The following ROR1 variants were observed in gnomAD, a reference collection of about 807,000 sequenced individuals.
ROR1 encodes the protein inactive tyrosine-protein kinase transmembrane receptor ROR1.
ROR1 carries 19 observed loss-of-function variants against 78.8 expected under a neutral mutation model. That is an observed-to-expected ratio of 0.24 (90% CI 0.17 to 0.35). The LOEUF is 0.35. ROR1 is among the 10% of genes least tolerant of loss of function. ROR1 has a pLI of 1.00. For missense variants in ROR1, 917 were observed against 1,177.8 expected, an observed-to-expected ratio of 0.78 and a Z score of 3.24; for synonymous variants, 386 against 433.6, an observed-to-expected ratio of 0.89 and a Z score of 1.36.
intron 1 of ROR1, among the ~76,000 whole-genome samples, chr1:63,863,894 A>G (rs1275396883): frequency 6.6e-6 from 1 of 152,158 alleles, no homozygotes; most frequent in Admixed American, 6.5e-5. Context: ...AATACAGGAC[A>G]CAAAAATCAA....
At chr1:63,960,686 A>G (rs573305161) in intron 1 of ROR1, among the ~76,000 whole-genome samples, 1 of 152,314 alleles carries the variant, frequency 6.6e-6, no homozygotes, top group Non-Finnish European at 1.5e-5. Flanking sequence ...CCTGTGTTAT[A>G]GAGCCCCTCA....
At chr1:63,814,096 A>C (rs1256631208) in intron 1 of ROR1, among the ~76,000 whole-genome samples, 11 of 152,192 alleles carry the variant, frequency 7.2e-5, no homozygotes, top group Non-Finnish European at 8.8e-5. Context: ...AGCTTTTGGG[A>C]GTCAGGCAGC....
chr1:63,985,922 G>A (rs935708757), intron 1 of ROR1, among the ~76,000 whole-genome samples: 2 of 151,768 alleles, frequency 1.3e-5, no homozygotes, highest in African/African-American at 4.8e-5. Flanking sequence ...TTTGGATAAG[G>A]GATACTCAAC....
chr1:63,779,471 G>T (rs1292717227), intron 1 of ROR1, among the ~76,000 whole-genome samples: 1 of 152,014 alleles, frequency 6.6e-6, no homozygotes, highest in African/African-American at 2.4e-5. Context: ...GAGACTGTTC[G>T]GTAGAAACTG....
chr1:63,870,991 G>A (rs1189391585), intron 1 of ROR1, among the ~76,000 whole-genome samples: 1 of 152,134 alleles, frequency 6.6e-6, no homozygotes, highest in Non-Finnish European at 1.5e-5. Context: ...CTTTCCATGA[G>A]GAAGATAATT....
chr1:64,085,645 T>C (rs1647146423), intron 4 of ROR1, among the ~76,000 whole-genome samples: 2 of 152,086 alleles, frequency 1.3e-5, no homozygotes, highest in Admixed American at 1.3e-4. Context: ...CTAAAGATAA[T>C]ATAGTTTCCC....
At chr1:63,969,673 C>T (rs968869320) in intron 1 of ROR1, among the ~76,000 whole-genome samples, 3 of 152,180 alleles carry the variant, frequency 2.0e-5, no homozygotes, top group Non-Finnish European at 4.4e-5. Flanking sequence ...TTTTCCACCC[C>T]TCCATGTGTG....
Position 63,863,650 on chromosome 1 carries a change from A to G in ROR1, c.91+89142A>G, listed in dbSNP as rs116752075. ...AGGAAAGCTATTAATCTGATGGCGT[A>G]TTTTTCTTTATTTGTGATAAGTTTC... On this transcript the variant is annotated intron_variant, in intron 1 of 8. Transcript: ENST00000371079. Among the ~76,000 whole-genome samples, 784 of 152,154 alleles carry G rather than the reference A, an allele frequency of 5.2e-3. 4 individuals are homozygous for G. Among genetic ancestry groups the G allele is most frequent in the African/African-American group, 0.018 (759 of 41,484 alleles).
rs112506817 is a variant in ROR1 at position 64,048,578 on chromosome 1, C to A, written c.164-1113C>A. Among the ~76,000 whole-genome samples, 588 of 152,074 alleles carry A rather than the reference C, an allele frequency of 3.9e-3. 7 individuals are homozygous for A. The highest frequency in any genetic ancestry group is 0.013 in the African/African-American group (559 of 41,476). On this transcript the variant is annotated intron_variant, in intron 2 of 8. Coordinates refer to ENST00000371079, the MANE Select transcript of ROR1 (RefSeq NM_005012.4). ...AATGAAACCAAAGAAAGCTCCCTAC[C>A]CATGAATAACAGAGCACGTTTTTAA... is the stretch of plus-strand genomic sequence containing the variant.
intron 2 of ROR1, among the ~76,000 whole-genome samples, chr1:64,020,489 G>A (rs766938205): frequency 3.9e-5 from 6 of 152,156 alleles, no homozygotes; most frequent in Non-Finnish European, 7.3e-5. Context: ...CTTTAGACAA[G>A]GTTTTTCACA....
chr1:63,832,827 G>T (rs1372700881), intron 1 of ROR1, among the ~76,000 whole-genome samples: 2 of 152,214 alleles, frequency 1.3e-5, no homozygotes, highest in African/African-American at 4.8e-5. Flanking sequence ...AAAGTGAGAT[G>T]CATGGCAATA....
chr1:64,149,539 G>A (rs760919195), intron 7 of ROR1, among the ~76,000 whole-genome samples: 2 of 152,056 alleles, frequency 1.3e-5, no homozygotes, highest in Admixed American at 1.3e-4. Context: ...CCTCTTAGAT[G>A]CAGCCCTGAT....
intron 4 of ROR1, among the ~76,000 whole-genome samples, chr1:64,127,506 GTCTC>G (rs1177650740): frequency 2.1e-5 from 3 of 145,874 alleles, no homozygotes; most frequent in Admixed American, 1.4e-4. Flanking sequence ...CTCTCTCTCT[GTCTC>G]TCTCTCTCTC....
intron 1 of ROR1, among the ~76,000 whole-genome samples, chr1:63,962,068 T>C (rs1646033947): frequency 6.6e-6 from 1 of 152,174 alleles, no homozygotes; most frequent in Admixed American, 6.5e-5. Context: ...AAGACCAGCC[T>C]GGGCAACATG....
At chr1:64,045,064 A>G (rs1488886567) in intron 2 of ROR1, among the ~76,000 whole-genome samples, 1 of 152,244 alleles carries the variant, frequency 6.6e-6, no homozygotes, top group African/African-American at 2.4e-5. Flanking sequence ...TCAATCCATT[A>G]TAATTTAATA....
At chr1:63,838,364 C>T (rs937975380) in intron 1 of ROR1, among the ~76,000 whole-genome samples, 2 of 151,814 alleles carry the variant, frequency 1.3e-5, no homozygotes, top group African/African-American at 4.8e-5. Context: ...CAGCTCCATG[C>T]CTGTTATTGC....
chr1:63,875,654 T>C (rs1201065644), intron 1 of ROR1, among the ~76,000 whole-genome samples: 3 of 152,218 alleles, frequency 2.0e-5, no homozygotes, highest in Non-Finnish European at 4.4e-5. Flanking sequence ...AAAAATTAAA[T>C]ACTTCTATGT....
Position 63,869,704 on chromosome 1 carries a change from C to T in ROR1, c.91+95196C>T, listed in dbSNP as rs535679387. On this transcript the variant is annotated intron_variant, in intron 1 of 8. Coordinates refer to ENST00000371079, the MANE Select transcript of ROR1 (RefSeq NM_005012.4). ...ATCTTGCTGGTCTTTGTCTGAGTTG[C>T]AAAACAACACTCATGGAAGTCCTCA... Among the ~76,000 whole-genome samples the T allele has an allele frequency of 2.0e-5, 3 of 152,272 alleles. No homozygotes were observed. In the South Asian group the frequency reaches 6.2e-4, roughly 32 times the overall value.
chr1:64,015,301 C>A (rs1202595511), intron 2 of ROR1, among the ~76,000 whole-genome samples: 1 of 152,088 alleles, frequency 6.6e-6, no homozygotes, highest in Admixed American at 6.5e-5. Flanking sequence ...TATCAATTAC[C>A]TAAGGTGGTT....
Sources: allele counts gnomAD v4.1 joint callset (sites outside exome capture counted in the v4.1 genomes callset), GRCh38; gene constraint gnomAD v4.1.1; transcripts MANE v1.5; gene names NCBI Gene and HGNC (gene_info 2026-07-23, HGNC 2026-07-21).